Variants in CMIP observed in about 807,000 individuals in gnomAD.
CMIP encodes C-Maf-inducing protein.
In CMIP, 13 loss-of-function variants were observed where a neutral mutation model predicts 97.3. The observed-to-expected ratio is 0.13, with a 90% CI of 0.09 to 0.21. The LOEUF (loss-of-function observed/expected upper bound fraction) is 0.21. CMIP is among the 10% of genes least tolerant of loss of function. The pLI is 1.00. For missense variants in CMIP, 847 were observed against 1,024.9 expected, an observed-to-expected ratio of 0.83 and a Z score of 2.37; for synonymous variants, 538 against 436.3, an observed-to-expected ratio of 1.23 and a Z score of -2.91.
chr16:81,604,421 C>T (rs1024078568), intron 1 of CMIP, among the ~76,000 whole-genome samples: 10 of 139,480 alleles, frequency 7.2e-5, no homozygotes, highest in Admixed American at 2.9e-4. Flanking sequence ...AAAAAAGGAC[C>T]GGCTGCGGTG....
rs776908356 is a variant in CMIP at position 81,693,133 on chromosome 16, G to A, written c.1455-25G>A. The A allele has an allele frequency of 7.5e-6, 12 of 1,606,828 alleles. No homozygotes were observed. The East Asian group carries it at 1.1e-4, about 15-fold the overall frequency. On this transcript the variant is annotated intron_variant, in intron 11 of 20. Coordinates refer to ENST00000537098, the MANE Select transcript of CMIP (RefSeq NM_198390.3). ...GTTTCCGACGCTTCTGTTAACCGCC[G>A]TGTTTTCCCCTGTTTTTGTTGCAGA...
chr16:81,678,451 T>C lies in CMIP; in HGVS notation c.1211T>C (p.Val404Ala). Residue 404 changes from valine (V) to alanine (A), a missense_variant, in exon 10 of 21, where the codon GTG becomes GCG. By Grantham distance (64) the Val-to-Ala change is moderately conservative. Coordinates refer to ENST00000537098, the MANE Select transcript of CMIP (RefSeq NM_198390.3). ...GTCGTGGCCTCCAGTGAGATCCACG[T>C]GGAGGTGGAACGCACCAGCACTGCC... Reference protein sequence around the residue: ...SVVVASSEIHVEVERTSTAKP... With the variant: ...SVVVASSEIHAEVERTSTAKP... 6.3e-7 allele frequency: 1 copy of C among 1,591,152 alleles called. No individual in the cohort carries two copies. The highest frequency in any genetic ancestry group is 1.1e-5 in the South Asian group (1 of 87,910).
chr16:81,658,576 A>G (rs1474350614), intron 5 of CMIP, among the ~76,000 whole-genome samples: 2 of 152,400 alleles, frequency 1.3e-5, no homozygotes, highest in Middle Eastern at 3.4e-3. Flanking sequence ...TGAAGGATCA[A>G]TAGGAGTTTT....
intron 1 of CMIP, among the ~76,000 whole-genome samples, chr16:81,551,971 CA>C (rs1488899121): frequency 6.6e-6 from 1 of 152,260 alleles, no homozygotes; most frequent in Non-Finnish European, 1.5e-5. Flanking sequence ...CGGCAGTGTG[CA>C]GGGGGGCCCT....
chr16:81,693,532 G>T lies in CMIP; in HGVS notation c.1530+45G>T, dbSNP rs553314336. The T allele has an allele frequency of 2.1e-5, 34 of 1,590,760 alleles. No individual in the cohort carries two copies. In the East Asian group the frequency reaches 7.2e-4, roughly 34 times the overall value. ...ATCTCAGGCCGGCTGTCTGGGGATG[G>T]CAGGATGCACGAGGGCCCCTTAGAG... On this transcript the variant is annotated intron_variant, in intron 13 of 20. Transcript: ENST00000537098.
intron 1 of CMIP, among the ~76,000 whole-genome samples, chr16:81,589,713 T>C (rs2091437819): frequency 2.0e-5 from 3 of 152,218 alleles, no homozygotes; most frequent in South Asian, 2.1e-4. Context: ...GAAGAAAAGT[T>C]TTTGTTGAAC....
In CMIP at chr16:81,596,376, C is replaced by G. The variant is rs143768058; in HGVS notation, c.301-11191C>G. Among the ~76,000 whole-genome samples, 5 of 151,958 alleles carry G rather than the reference C, an allele frequency of 3.3e-5. No individual in the cohort carries two copies. The East Asian group carries it at 9.7e-4, about 29-fold the overall frequency. ...CAGAAATTAGCTGTCTGTGGTGGGG[C>G]ACGCCTATAGTCCCTGCTACTCGGG... On this transcript the variant is annotated intron_variant, in intron 1 of 20. Transcript: ENST00000537098.
chr16:81,565,656 C>T lies in CMIP; in HGVS notation c.301-41911C>T, dbSNP rs542316531. Among the ~76,000 whole-genome samples, 32 of 152,288 alleles carry T rather than the reference C, an allele frequency of 2.1e-4. 2 individuals carry two copies. In the South Asian group the frequency reaches 6.6e-3, roughly 32 times the overall value. On this transcript the variant is annotated intron_variant, in intron 1 of 20. Transcript: ENST00000537098. ...TGGCAGCCTCCTGTGGTAACCGTGG[C>T]ATCCTCATGGCAGCGGGGCAGGGGA...
chr16:81,631,379 T>C (rs2092156731), intron 3 of CMIP: 1 of 152,242 alleles, frequency 6.6e-6, no homozygotes, highest in Non-Finnish European at 1.5e-5. Context: ...GAGCTGCCAC[T>C]TTGCCCAGCT....
At chr16:81,612,789 C>T (rs1162589162) in intron 2 of CMIP, among the ~76,000 whole-genome samples, 1 of 151,932 alleles carries the variant, frequency 6.6e-6, no homozygotes, top group Admixed American at 6.6e-5. Context: ...GGCTGGGGAC[C>T]TCTCCCATGT....
intron 1 of CMIP, among the ~76,000 whole-genome samples, chr16:81,580,314 G>A (rs902436046): frequency 2.6e-5 from 4 of 152,184 alleles, no homozygotes; most frequent in African/African-American, 9.7e-5. Context: ...GACATGGTGA[G>A]CTACACGCTG....
intron 1 of CMIP, among the ~76,000 whole-genome samples, chr16:81,447,027 G>A (rs1905892632): frequency 6.6e-6 from 1 of 152,208 alleles, no homozygotes; most frequent in South Asian, 2.1e-4. Context: ...CGGTCAGGCT[G>A]GTGCATGTTC....
chr16:81,528,303 C>A (rs1317491901), intron 1 of CMIP, among the ~76,000 whole-genome samples: 1 of 151,966 alleles, frequency 6.6e-6, no homozygotes, highest in Non-Finnish European at 1.5e-5. Flanking sequence ...CTAAACAATG[C>A]CAAGGCTGGC....
chr16:81,564,382 T>C (rs1167247122), intron 1 of CMIP, among the ~76,000 whole-genome samples: 1 of 152,230 alleles, frequency 6.6e-6, no homozygotes, highest in Non-Finnish European at 1.5e-5. Flanking sequence ...TATGTGTCTT[T>C]ACGAGTGTGT....
At chr16:81,642,125 C>T (rs948176643) in intron 3 of CMIP, among the ~76,000 whole-genome samples, 1 of 152,244 alleles carries the variant, frequency 6.6e-6, no homozygotes, top group Non-Finnish European at 1.5e-5. Flanking sequence ...TGTCTTGTCA[C>T]TCGTCATTCA....
At chr16:81,462,707 G>T (rs1336174538) in intron 1 of CMIP, among the ~76,000 whole-genome samples, 1 of 152,170 alleles carries the variant, frequency 6.6e-6, no homozygotes, top group Non-Finnish European at 1.5e-5. Flanking sequence ...CCCCTAAAAT[G>T]TTTGTTTTAA....
chr16:81,478,917 T>C (rs1908090937), intron 1 of CMIP, among the ~76,000 whole-genome samples: 1 of 152,044 alleles, frequency 6.6e-6, no homozygotes, highest in Non-Finnish European at 1.5e-5. Flanking sequence ...CCCAGCCTCG[T>C]CTTGTTCATT....
chr16:81,521,474 A>G (rs2090026403), intron 1 of CMIP, among the ~76,000 whole-genome samples: 1 of 151,534 alleles, frequency 6.6e-6, no homozygotes, highest in African/African-American at 2.4e-5. Context: ...CTGAAATGCC[A>G]CTGCAGGTTC....
intron 1 of CMIP, among the ~76,000 whole-genome samples, chr16:81,473,484 G>A (rs2150749074): frequency 7.1e-6 from 1 of 140,522 alleles, no homozygotes; most frequent in South Asian, 2.2e-4. Context: ...TTTTAAAATA[G>A]GTCTTTTTTT....
Sources: allele counts gnomAD v4.1 joint callset (sites outside exome capture counted in the v4.1 genomes callset), GRCh38; gene constraint gnomAD v4.1.1; transcripts MANE v1.5; gene names NCBI Gene and HGNC (gene_info 2026-07-23, HGNC 2026-07-21).